Variants in DDX21 observed in about 807,000 individuals in gnomAD.
DDX21 encodes the protein DExD-box helicase 21, also known as nucleolar RNA helicase 2.
DDX21 carries 18 observed loss-of-function variants against 90.0 expected under a neutral mutation model. The ratio of observed to expected loss-of-function variants is 0.20; its 90% CI spans 0.14 to 0.30. The LOEUF (loss-of-function observed/expected upper bound fraction) is 0.30. Ranked by LOEUF, DDX21 falls within the 10% of genes least tolerant of loss-of-function variation. The pLI is 1.00. For synonymous variants in DDX21, 294 were observed against 318.0 expected, an observed-to-expected ratio of 0.92 and a Z score of 0.80; for missense variants, 673 against 944.5, an observed-to-expected ratio of 0.71 and a Z score of 3.77.
chr10:68,970,072 C>G (rs1015971743), intron 7 of DDX21, 129 bp from the exon 8 acceptor site: 1 of 834,770 alleles, frequency 1.2e-6, no homozygotes, highest in Admixed American at 3.3e-5. Flanking sequence ...CAGCTCTTAT[C>G]AGGCTTGAGT....
intron 12 of DDX21, among the ~76,000 whole-genome samples, chr10:68,978,464 G>A (rs539053182): frequency 1.3e-5 from 2 of 152,156 alleles, no homozygotes; most frequent in South Asian, 2.1e-4. Flanking sequence ...CATTTAGCCA[G>A]CATACCTAGA....
chr10:68,981,512 A>G (rs750926459), intron 13 of DDX21, 25 bp from the exon 14 acceptor site: 56 of 1,609,320 alleles, frequency 3.5e-5, no homozygotes, highest in Non-Finnish European at 4.7e-5. Flanking sequence ...TGGTTGGATT[A>G]ACTTCCATTT....
chr10:68,968,822 C>G (rs1255985638), intron 6 of DDX21, among the ~76,000 whole-genome samples, 154 bp from the exon 7 acceptor site: 1 of 152,148 alleles, frequency 6.6e-6, no homozygotes, highest in Non-Finnish European at 1.5e-5. Flanking sequence ...ATTGGGAAAC[C>G]TCTGTCTTCC....
intron 5 of DDX21, among the ~76,000 whole-genome samples, chr10:68,966,019 A>G (rs987201194): frequency 6.6e-6 from 1 of 151,994 alleles, no homozygotes; most frequent in Non-Finnish European, 1.5e-5. Context: ...AGTTTTGGCC[A>G]GGCGCAGTGG....
At chr10:68,968,423 A>C (rs1842971821) in intron 6 of DDX21, among the ~76,000 whole-genome samples, 1 of 152,116 alleles carries the variant, frequency 6.6e-6, no homozygotes, top group Non-Finnish European at 1.5e-5. Flanking sequence ...AAAGCATTGG[A>C]ATTACAGGCA....
In DDX21 at chr10:68,973,682, T is replaced by A. The variant is rs368672458; in HGVS notation, c.1668+18T>A. On this transcript the variant is annotated intron_variant, in intron 10 of 14. Coordinates refer to ENST00000354185, the MANE Select transcript of DDX21 (RefSeq NM_004728.4). Reference sequence around the variant, plus strand: ...AAAAAGCGGTAAAACTATTCTTACCTTTCATTAAGCAAATGTTGAGTTCTA... The same window carrying A: ...AAAAAGCGGTAAAACTATTCTTACCATTCATTAAGCAAATGTTGAGTTCTA... The A allele has an allele frequency of 3.1e-6, 5 of 1,605,876 alleles. No individual in the cohort carries two copies. In the Admixed American group the frequency reaches 8.5e-5, roughly 27 times the overall value.
chr10:68,960,464 ATTTTTTTATT>A (rs140397689), intron 2 of DDX21, among the ~76,000 whole-genome samples: 8,775 of 151,882 alleles, frequency 0.058, 301 homozygotes, highest in Middle Eastern at 0.11. Flanking sequence ...TGTCTTTTTT[ATTTTTTTATT>A]TTTTTGAGAC....
chr10:68,960,099 T>A lies in DDX21; in HGVS notation c.381T>A (p.Ala127=). 6.2e-7 allele frequency: 1 copy of A among 1,613,752 alleles called. No individual in the cohort carries two copies. Among genetic ancestry groups the A allele is most frequent in the Non-Finnish European group, 8.5e-7 (1 of 1,179,962 alleles). ...AGCCTTCTGAGGAAGAAATAGATGC[T>A]CCTAAGCCCAAGAAGATGAAGAAAG... ...NEEPSEEEID[A]PKPKKMKKEK... The change falls in exon 2 of 15, where the codon GCT becomes GCA. Residue 127 remains alanine, a synonymous_variant. Transcript: ENST00000354185.
At chr10:68,963,065 T>C (rs972376898) in intron 3 of DDX21, among the ~76,000 whole-genome samples, 1 of 152,168 alleles carries the variant, frequency 6.6e-6, no homozygotes, top group Admixed American at 6.6e-5. Flanking sequence ...AGTTCAAGGC[T>C]GCAAGTGAGT....
rs367992857 is a variant in DDX21, at chr10:68,973,671, C to T, written c.1668+7C>T. ...ACAAGTGGAGCAAAAAGCGGTAAAA[C>T]TATTCTTACCTTTCATTAAGCAAAT... On this transcript the variant is annotated splice_region_variant and intron_variant, in intron 10 of 14. Coordinates refer to ENST00000354185, the MANE Select transcript of DDX21 (RefSeq NM_004728.4). 14 of 1,607,944 alleles carry T rather than the reference C, an allele frequency of 8.7e-6. No homozygotes were observed. Among genetic ancestry groups the T allele is most frequent in the Middle Eastern group, 1.7e-4 (1 of 6,050 alleles).
Position 68,973,584 on chromosome 10 carries a change from A to C in DDX21, c.1588A>C (p.Arg530=). The C allele has an allele frequency of 6.2e-7, 1 of 1,614,166 alleles. No individual in the cohort carries two copies. Among genetic ancestry groups the C allele is most frequent in the South Asian group, 1.1e-5 (1 of 91,084 alleles). The change falls in exon 10 of 15, where the codon AGA becomes CGA. Residue 530 remains arginine (R), a synonymous_variant. Transcript: ENST00000354185. ...CATTCATCGATCCGGGCGGACAGGC[A>C]GAGCTGGAAGGACGGGGGTGTGCAT... The part of the protein sequence containing the change: ...SYIHRSGRTG[R]AGRTGVCICF...
At chr10:68,970,105 T>G (rs1843001028) in intron 7 of DDX21, 96 bp from the exon 8 acceptor site, 1 of 1,201,508 alleles carries the variant, frequency 8.3e-7, no homozygotes, top group Admixed American at 2.3e-5. Context: ...GAGCAAGACA[T>G]TAGAACATTA....
rs80203088 is a variant in DDX21 at position 68,971,736 on chromosome 10, G to A, written c.1387-155G>A. On this transcript the variant is annotated intron_variant, in intron 8 of 14. Transcript: ENST00000354185. The stretch of plus-strand genomic sequence containing the variant: ...TAACTGAGGATTTGGAAATAATATT[G>A]AGGCTTATCCATTCAAGACACATTT... 2.4e-3 allele frequency among the ~76,000 whole-genome samples: 366 copies of A among 152,330 alleles called. 1 individual carries two copies. The highest frequency in any genetic ancestry group is 8.5e-3 in the African/African-American group (354 of 41,572).
intron 1 of DDX21, among the ~76,000 whole-genome samples, chr10:68,958,450 T>G (rs1356010051): frequency 6.6e-6 from 1 of 152,096 alleles, no homozygotes; most frequent in African/African-American, 2.4e-5. Flanking sequence ...AAAAAATTTT[T>G]TTTTTTGAGA....
chr10:68,977,417 T>A, intron 11 of DDX21, 112 bp from the exon 12 acceptor site: 1 of 982,902 alleles, frequency 1.0e-6, no homozygotes, highest in South Asian at 2.2e-5. Context: ...CAAAAATAAA[T>A]ATGTTACACA....
In DDX21 at chr10:68,982,953, C is replaced by A; in HGVS notation, c.*141C>A. On this transcript the variant is annotated 3_prime_UTR_variant, in exon 15 of 15. Coordinates refer to ENST00000354185, the MANE Select transcript of DDX21 (RefSeq NM_004728.4). The stretch of plus-strand genomic sequence containing the variant: ...AGTCCCTGTCTCTTTCAGACACAGA[C>A]AAGCTTCATTTAAATTATTTCATCT... 2.0e-6 allele frequency: 2 copies of A among 1,006,256 alleles called. No individual in the cohort carries two copies. Among genetic ancestry groups the A allele is most frequent in the South Asian group, 1.8e-5 (1 of 55,700 alleles). 62.3% of individuals were successfully genotyped at this position (1,006,256 alleles called of 1,614,324 possible).
chr10:68,959,013 T>TA (rs964176180), intron 1 of DDX21, among the ~76,000 whole-genome samples: 1 of 151,734 alleles, frequency 6.6e-6, no homozygotes, highest in South Asian at 2.1e-4. Flanking sequence ...AATTGTCTCT[T>TA]AAAAAAACAA....
intron 5 of DDX21, among the ~76,000 whole-genome samples, chr10:68,966,037 C>A (rs907649681): frequency 2.6e-5 from 4 of 151,828 alleles, no homozygotes; most frequent in Non-Finnish European, 5.9e-5. Context: ...TGGCTCACGC[C>A]TGTAATCCCA....
At chr10:68,960,975 G>A (rs1337571567) in intron 2 of DDX21, among the ~76,000 whole-genome samples, 1 of 152,140 alleles carries the variant, frequency 6.6e-6, no homozygotes, top group East Asian at 1.9e-4. Context: ...AAGGTTGATT[G>A]CATAAGTCCT....
Sources: gnomAD v4.1 joint callset for allele counts (sites outside exome capture counted in the v4.1 genomes callset) on GRCh38, gnomAD v4.1.1 for gene constraint, MANE v1.5 for transcripts, NCBI Gene and HGNC (gene_info 2026-07-23, HGNC 2026-07-21) for gene names.